MOCOS: variants seen among roughly 807,000 people sequenced by gnomAD.
MOCOS encodes the protein molybdenum cofactor sulfurase, also known as human molybdenum cofactor sulfurase.
MOCOS carries 86 observed loss-of-function variants against 83.6 expected under a neutral mutation model. The ratio of observed to expected loss-of-function variants is 1.03; its 90% CI spans 0.86 to 1.23. MOCOS has a LOEUF of 1.23. MOCOS is among the 50% of genes most tolerant of loss of function. The pLI, the probability that MOCOS is intolerant of heterozygous loss-of-function variation, is 0.00. For synonymous variants in MOCOS, 445 were observed against 434.7 expected, an observed-to-expected ratio of 1.02 and a Z score of -0.29; for missense variants, 1,120 against 1,126.9, an observed-to-expected ratio of 0.99 and a Z score of 0.09.
chr18:36,215,596 G>A lies in MOCOS; in HGVS notation c.1416G>A (p.Met472Ile). 2 of 1,614,170 alleles carry A rather than the reference G, an allele frequency of 1.2e-6. No homozygotes were observed. The highest frequency in any genetic ancestry group is 2.7e-5 in the African/African-American group (2 of 75,020). Residue 472 changes from methionine (M) to isoleucine (I), a missense_variant, in exon 8 of 15, where the codon ATG becomes ATA. Met to Ile is a conservative substitution (Grantham distance 10). Transcript: ENST00000261326. ...TGSVRISFGY[M>I]STLDDVQAFL... ...CTGTGAGGATTTCATTTGGATACAT[G>A]TCGACGCTGGATGATGTCCAGGCCT... is the stretch of plus-strand genomic sequence containing the variant.
chr18:36,192,336 A>G (rs1239027537), intron 1 of MOCOS, among the ~76,000 whole-genome samples: 1 of 152,264 alleles, frequency 6.6e-6, no homozygotes, highest in Non-Finnish European at 1.5e-5. Context: ...TGAAAATGAA[A>G]TTAGAAAAAC....
chr18:36,230,979 G>A (rs2091535516), intron 9 of MOCOS, among the ~76,000 whole-genome samples: 2 of 152,042 alleles, frequency 1.3e-5, no homozygotes, highest in South Asian at 2.1e-4. Flanking sequence ...ATATAATGAG[G>A]AATGGAGCAC....
intron 1 of MOCOS, among the ~76,000 whole-genome samples, chr18:36,192,556 T>C (rs1339165797): frequency 6.6e-6 from 1 of 152,212 alleles, no homozygotes; most frequent in East Asian, 1.9e-4. Context: ...ATGAAATGCC[T>C]ATCAAAATCC....
At chr18:36,220,242 A>G (rs772121337) in intron 9 of MOCOS, 25 bp downstream of exon 9, 2 of 1,613,938 alleles carry the variant, frequency 1.2e-6, no homozygotes, top group African/African-American at 2.7e-5. Flanking sequence ...TCATTTTCAC[A>G]GAGCAGCTCC....
In MOCOS at chr18:36,270,261, A is replaced by T. The variant is rs904941960; in HGVS notation, c.*1576A>T. ...TCCTCATCAGCTAACTGATAGGAGA[A>T]CAATGCCCTAAAGTAATGGATTTAT... On this transcript the variant is annotated 3_prime_UTR_variant, in exon 15 of 15. Transcript: ENST00000261326. 11 of 152,228 alleles carry T rather than the reference A, an allele frequency of 7.2e-5. No homozygotes were observed. The highest frequency in any genetic ancestry group is 2.7e-4 in the African/African-American group (11 of 41,462). 9.4% of individuals were successfully genotyped at this position (152,228 alleles called of 1,614,324 possible).
chr18:36,213,621 A>C lies in MOCOS; in HGVS notation c.1335+139A>C. 3.8e-6 allele frequency: 3 copies of C among 779,568 alleles called. No homozygotes were observed. The South Asian group carries it at 4.3e-5, about 11-fold the overall frequency. The allele number at this position is 779,568 out of a possible 1,614,324, so 48.3% of individuals were successfully genotyped here. ...CTCTGTGCATGTACAAAGGAAAAGG[A>C]ATACAAATGGAAAATGCTTCAAGAA... On this transcript the variant is annotated intron_variant, in intron 7 of 14. Transcript: ENST00000261326.
chr18:36,217,219 A>G (rs4799856), intron 8 of MOCOS, among the ~76,000 whole-genome samples: 19,294 of 152,164 alleles, frequency 0.13, 1,243 homozygotes, highest in Admixed American at 0.15. Flanking sequence ...TAGAATATGT[A>G]CAGTAGAGTA....
intron 1 of MOCOS, among the ~76,000 whole-genome samples, chr18:36,191,876 G>A (rs1367970264): frequency 6.6e-6 from 1 of 152,172 alleles, no homozygotes; most frequent in Non-Finnish European, 1.5e-5. Flanking sequence ...CCAGCACTTA[G>A]AACAATGCCT....
intron 7 of MOCOS, among the ~76,000 whole-genome samples, chr18:36,214,269 A>AAAAAAAAAAG (rs2091467443): frequency 1.1e-4 from 1 of 8,850 alleles, no homozygotes; most frequent in Non-Finnish European, 1.4e-3. Context: ...AAAAGAAAAG[A>AAAAAAAAAAG]AAAAAAAGAA....
At chr18:36,222,751 G>T (rs936920053) in intron 9 of MOCOS, among the ~76,000 whole-genome samples, 10 of 151,884 alleles carry the variant, frequency 6.6e-5, no homozygotes, top group Admixed American at 1.3e-4. Flanking sequence ...ACAGGCGCCC[G>T]CCACTACGCC....
intron 11 of MOCOS, among the ~76,000 whole-genome samples, chr18:36,255,527 G>A (rs1243826869): frequency 6.6e-6 from 1 of 152,186 alleles, no homozygotes; most frequent in Non-Finnish European, 1.5e-5. Context: ...CCCTGAGGGA[G>A]TGTGCTTTAG....
intron 7 of MOCOS, 73 bp downstream of exon 7, chr18:36,213,555 G>A: frequency 1.6e-6 from 2 of 1,221,842 alleles, no homozygotes; most frequent in Non-Finnish European, 1.2e-6. Flanking sequence ...CTGTGTGTCT[G>A]GGGTGGGGGC....
chr18:36,203,626 G>A (rs2091423237), intron 5 of MOCOS, among the ~76,000 whole-genome samples: 1 of 152,218 alleles, frequency 6.6e-6, no homozygotes, highest in African/African-American at 2.4e-5. Context: ...GAAACCAGGA[G>A]GGCAAGGATT....
intron 7 of MOCOS, 46 bp downstream of exon 7, chr18:36,213,528 G>T (rs767108525): frequency 6.6e-7 from 1 of 1,512,988 alleles, no homozygotes; most frequent in South Asian, 1.1e-5. Context: ...GCGAGACCCA[G>T]CAACACCTGT....
chr18:36,204,922 G>A (rs2091428701), intron 5 of MOCOS, among the ~76,000 whole-genome samples, 155 bp from the exon 6 acceptor site: 1 of 144,914 alleles, frequency 6.9e-6, no homozygotes, highest in South Asian at 2.2e-4. Flanking sequence ...GAGCCCAGGA[G>A]GTTGAGGCTG....
At chr18:36,196,017 C>G (rs1279393785) in intron 2 of MOCOS, among the ~76,000 whole-genome samples, 1 of 152,102 alleles carries the variant, frequency 6.6e-6, no homozygotes, top group Non-Finnish European at 1.5e-5. Context: ...GGCAGGGTAA[C>G]AGCCTGAGCC....
rs577279030 is a variant in MOCOS at position 36,200,264 on chromosome 18, C to T, written c.881C>T (p.Thr294Ile). The T allele has an allele frequency of 2.2e-5, 35 of 1,614,054 alleles. No homozygotes were observed. Among genetic ancestry groups the T allele is most frequent in the Non-Finnish European group, 2.9e-5 (34 of 1,180,022 alleles). Residue 294 changes from threonine to isoleucine, a missense_variant, in exon 4 of 15, where the codon ACA becomes ATA. By Grantham distance (89) the Thr-to-Ile change is moderately conservative (BLOSUM62 -1). Coordinates refer to ENST00000261326, the MANE Select transcript of MOCOS (RefSeq NM_017947.4). ...AGGAAGACCTACTTTGGAGGAGGGA[C>T]AGCCTCTGCGTACCTAGCAGGAGAA... ...LLRKTYFGGGTASAYLAGEDF... is the reference protein window; with the variant it reads ...LLRKTYFGGGIASAYLAGEDF...
Position 36,187,818 on chromosome 18 carries a change from G to A in MOCOS, c.142+137G>A, listed in dbSNP as rs1035024420. The stretch of plus-strand genomic sequence containing the variant: ...AACTCCAGGAGGGACGTGTCCACGC[G>A]TCCTCCTAGTAGACACGGCTCCCTG... On this transcript the variant is annotated intron_variant, in intron 1 of 14. Transcript: ENST00000261326. 12 of 996,058 alleles carry A rather than the reference G, an allele frequency of 1.2e-5. No individual in the cohort carries two copies. In the East Asian group the frequency reaches 3.9e-4, roughly 33 times the overall value. The allele number at this position is 996,058 out of a possible 1,614,324, so 61.7% of individuals were successfully genotyped here. A position where few individuals can be genotyped will look rare whatever the true frequency, so the allele number is the denominator to read the frequency against.
At chr18:36,243,933 T>C (rs1457424792) in intron 9 of MOCOS, among the ~76,000 whole-genome samples, 1 of 152,154 alleles carries the variant, frequency 6.6e-6, no homozygotes, top group African/African-American at 2.4e-5. Flanking sequence ...TTGAATGATC[T>C]TTTGTATTTC....
Sources: allele counts gnomAD v4.1 joint callset (sites outside exome capture counted in the v4.1 genomes callset), GRCh38; gene constraint gnomAD v4.1.1; transcripts MANE v1.5; gene names NCBI Gene and HGNC (gene_info 2026-07-23, HGNC 2026-07-21).